The following ERBB4 variants were observed in gnomAD, a reference collection of about 807,000 sequenced individuals.
ERBB4 encodes erb-b2 receptor tyrosine kinase 4, also known as receptor tyrosine-protein kinase erbB-4.
ERBB4 carries 42 observed loss-of-function variants against 158.0 expected under a neutral mutation model. The ratio of observed to expected loss-of-function variants is 0.27; its 90% confidence interval spans 0.21 to 0.34. ERBB4 has a LOEUF of 0.34. Ranked by LOEUF, ERBB4 falls within the 10% of genes least tolerant of loss-of-function variation. The pLI, the probability that ERBB4 is intolerant of heterozygous loss-of-function variation, is 1.00. For synonymous variants in ERBB4, 583 were observed against 558.7 expected (o/e 1.04, Z -0.61); for missense variants, 1,333 against 1,624.1 (o/e 0.82, Z 3.08).
At chr2:211,813,088 C>A (rs1650375091) in intron 3 of ERBB4, among the ~76,000 whole-genome samples, 1 of 152,172 alleles carries the variant, frequency 6.6e-6, no homozygotes, top group Admixed American at 6.5e-5. Context: ...GAACCAGGTA[C>A]CTCAGTTGGA....
At chr2:211,903,257 A>G (rs1267160182) in intron 3 of ERBB4, among the ~76,000 whole-genome samples, 2 of 152,048 alleles carry the variant, frequency 1.3e-5, no homozygotes, top group Non-Finnish European at 2.9e-5. Context: ...ATGAAAACAA[A>G]CTTTGTATTT....
intron 9 of ERBB4, among the ~76,000 whole-genome samples, chr2:211,709,639 G>A (rs1439935047): frequency 6.6e-6 from 1 of 151,984 alleles, no homozygotes; most frequent in Non-Finnish European, 1.5e-5. Flanking sequence ...TCACAAGGTT[G>A]TTAACTGTCT....
intron 20 of ERBB4, among the ~76,000 whole-genome samples, chr2:211,454,960 A>C (rs2064343006): frequency 6.6e-6 from 1 of 152,240 alleles, no homozygotes; most frequent in Non-Finnish European, 1.5e-5. Flanking sequence ...GGCGAGTTTT[A>C]AAATCATTTT....
chr2:212,461,960 T>G (rs555193115), intron 1 of ERBB4, among the ~76,000 whole-genome samples: 1 of 152,356 alleles, frequency 6.6e-6, no homozygotes, highest in South Asian at 2.1e-4. Flanking sequence ...CTTTCTGCCA[T>G]GATTGTGAGG....
intron 1 of ERBB4, among the ~76,000 whole-genome samples, chr2:212,470,061 A>G (rs1449382847): frequency 6.6e-6 from 1 of 152,134 alleles, no homozygotes; most frequent in Non-Finnish European, 1.5e-5. Context: ...TCAATATCAC[A>G]TAAGTTCACA....
At chr2:212,412,199 T>C (rs1489055932) in intron 1 of ERBB4, among the ~76,000 whole-genome samples, 1 of 152,188 alleles carries the variant, frequency 6.6e-6, no homozygotes, top group African/African-American at 2.4e-5. Context: ...CCCCTCCATT[T>C]TGGTAAAGTA....
chr2:212,326,660 C>T (rs1173437553), intron 1 of ERBB4, among the ~76,000 whole-genome samples: 2 of 150,508 alleles, frequency 1.3e-5, no homozygotes, highest in African/African-American at 4.8e-5. Flanking sequence ...AATGCATAAC[C>T]CTTTTTACCA....
chr2:211,969,933 TG>T (rs1173284785), intron 2 of ERBB4, among the ~76,000 whole-genome samples: 1 of 152,090 alleles, frequency 6.6e-6, no homozygotes, highest in African/African-American at 2.4e-5. Context: ...CTGCTAGCTT[TG>T]GGATTTCTTT....
chr2:211,878,573 C>A (rs898081974), intron 3 of ERBB4, among the ~76,000 whole-genome samples: 1 of 149,682 alleles, frequency 6.7e-6, no homozygotes, highest in African/African-American at 2.5e-5. Flanking sequence ...TCAAAATAAT[C>A]AAGAAATAAT....
chr2:211,639,033 C>T (rs913261937), intron 16 of ERBB4, among the ~76,000 whole-genome samples: 7 of 152,026 alleles, frequency 4.6e-5, no homozygotes, highest in African/African-American at 9.7e-5. Flanking sequence ...GTGTTGAAAA[C>T]GAATTACGCC....
At chr2:212,488,630 A>C (rs78099227) in intron 1 of ERBB4, among the ~76,000 whole-genome samples, 3,342 of 151,988 alleles carry the variant, frequency 0.022, 99 homozygotes, top group South Asian at 0.082. Flanking sequence ...ATTTATTAGA[A>C]TGTTACCAGG....
chr2:212,472,985 A>G (rs16848624), intron 1 of ERBB4, among the ~76,000 whole-genome samples: 3,384 of 151,938 alleles, frequency 0.022, 51 homozygotes, highest in South Asian at 0.044. Flanking sequence ...TACTTCATTA[A>G]GCTGCTGTTC....
At chr2:211,405,847 T>C (rs1162467609) in intron 25 of ERBB4, among the ~76,000 whole-genome samples, 1 of 152,194 alleles carries the variant, frequency 6.6e-6, no homozygotes, top group African/African-American at 2.4e-5. Context: ...TGTTTTAAAA[T>C]ATTAATTACA....
At position 211,383,296 on chromosome 2, in the gene ERBB4, AAG is replaced by A. The variant is rs1045074898; in HGVS notation, c.*317_*318del. On this transcript the variant is annotated 3_prime_UTR_variant, in exon 28 of 28. Transcript: ENST00000342788. The stretch of plus-strand genomic sequence containing the variant: ...AAAGAAACAAAGAAAGAAAAAGAAA[AAG>A]AAAAAAAGTGACAGCTAGTTTGATA... 2.9e-5 allele frequency: 9 copies of A among 312,058 alleles called. No homozygotes were observed. The highest frequency in any genetic ancestry group is 1.4e-4 in the Admixed American group (3 of 21,958). The allele number at this position is 312,058 out of a possible 1,614,324, so 19.3% of individuals were successfully genotyped here.
At chr2:211,880,822 T>C (rs958713320) in intron 3 of ERBB4, among the ~76,000 whole-genome samples, 5 of 152,160 alleles carry the variant, frequency 3.3e-5, no homozygotes, top group Non-Finnish European at 5.9e-5. Flanking sequence ...CAAGATAATA[T>C]TGAAGATGAA....
chr2:212,379,544 G>A (rs1386510660), intron 1 of ERBB4, among the ~76,000 whole-genome samples: 1 of 151,560 alleles, frequency 6.6e-6, no homozygotes, highest in Non-Finnish European at 1.5e-5. Flanking sequence ...ATATTATCTT[G>A]AGCCAGAAAG....
chr2:211,964,565 T>G (rs1331378581), intron 2 of ERBB4, among the ~76,000 whole-genome samples: 1 of 152,206 alleles, frequency 6.6e-6, no homozygotes, highest in Non-Finnish European at 1.5e-5. Context: ...ACCTCTCTTG[T>G]CTAGAACTTG....
intron 20 of ERBB4, among the ~76,000 whole-genome samples, chr2:211,512,448 A>C (rs2065905875): frequency 3.3e-5 from 1 of 30,458 alleles, no homozygotes; most frequent in African/African-American, 1.3e-4. Flanking sequence ...CCAAAATCTC[A>C]AAAAAAAAAG....
intron 1 of ERBB4, among the ~76,000 whole-genome samples, chr2:212,411,223 T>C (rs1300945448): frequency 1.3e-5 from 2 of 152,152 alleles, no homozygotes; most frequent in Non-Finnish European, 2.9e-5. Context: ...CCTACTCTGT[T>C]GGTTTCAAAG....
Sources: gnomAD v4.1 joint callset for allele counts (sites outside exome capture counted in the v4.1 genomes callset) on GRCh38, gnomAD v4.1.1 for gene constraint, MANE v1.5 for transcripts, NCBI Gene and HGNC (gene_info 2026-07-23, HGNC 2026-07-21) for gene names.